Variants in RALGAPA2 observed in about 807,000 individuals in gnomAD.
The protein encoded by RALGAPA2 is Ral GTPase activating protein catalytic subunit alpha 2, also known as ral GTPase-activating protein subunit alpha-2.
In RALGAPA2, 139 loss-of-function variants were observed where a neutral mutation model predicts 230.4. The ratio of observed to expected loss-of-function variants is 0.60; its 90% confidence interval spans 0.53 to 0.69. The LOEUF is 0.69. Ranked by LOEUF, RALGAPA2 falls within the 30% of genes least tolerant of loss-of-function variation. The pLI is 0.00. For synonymous variants in RALGAPA2, 847 were observed against 837.8 expected (o/e 1.01, Z -0.19); for missense variants, 2,163 against 2,276.0 (o/e 0.95, Z 1.01).
At chr20:20,498,213 TGGTTCC>T (rs1365508188) in intron 35 of RALGAPA2, among the ~76,000 whole-genome samples, 1 of 152,198 alleles carries the variant, frequency 6.6e-6, no homozygotes, top group African/African-American at 2.4e-5. Flanking sequence ...CAAGTTGATC[TGGTTCC>T]TGTGTAACTG....
In RALGAPA2 at chr20:20,620,328, G is replaced by A. The variant is rs902870270; in HGVS notation, c.1401+135C>T. On this transcript the variant is annotated intron_variant, in intron 11 of 39. Coordinates refer to ENST00000202677, the MANE Select transcript of RALGAPA2 (RefSeq NM_020343.4). ...CCTTGGTAGATCCTCACAGAACTCAGCAACTCAGAAGCATCAGATGGGATA... is the reference window on the plus strand; with the variant it reads ...CCTTGGTAGATCCTCACAGAACTCAACAACTCAGAAGCATCAGATGGGATA... 1.1e-5 allele frequency: 10 copies of A among 885,340 alleles called. No individual in the cohort carries two copies. The Admixed American group carries it at 2.9e-4, about 25-fold the overall frequency. 54.8% of individuals were successfully genotyped at this position (885,340 alleles called of 1,614,324 possible).
At chr20:20,657,052 G>GT (rs1213284880) in intron 3 of RALGAPA2, among the ~76,000 whole-genome samples, 6 of 152,142 alleles carry the variant, frequency 3.9e-5, no homozygotes, top group Admixed American at 6.5e-5. Flanking sequence ...CCCCAATTTG[G>GT]TATCTTTGAT....
At chr20:20,573,445 G>A (rs2064714007) in intron 20 of RALGAPA2, among the ~76,000 whole-genome samples, 1 of 152,114 alleles carries the variant, frequency 6.6e-6, no homozygotes, top group African/African-American at 2.4e-5. Context: ...GTTAGGTCAG[G>A]TTCATGGGGG....
At chr20:20,580,039 T>C (rs62202179) in intron 20 of RALGAPA2, among the ~76,000 whole-genome samples, 41 of 152,342 alleles carry the variant, frequency 2.7e-4, no homozygotes, top group African/African-American at 9.9e-4. Flanking sequence ...TTAAAAACTA[T>C]AGTGGCTTAT....
intron 37 of RALGAPA2, among the ~76,000 whole-genome samples, chr20:20,458,494 A>G (rs1226234854): frequency 7.2e-6 from 1 of 138,590 alleles, no homozygotes; most frequent in Non-Finnish European, 1.5e-5. Context: ...TGTATTTTAT[A>G]TATATTATAT....
intron 37 of RALGAPA2, among the ~76,000 whole-genome samples, chr20:20,458,842 ATATATATATAGACC>A (rs1281877201): frequency 2.4e-5 from 2 of 83,326 alleles, no homozygotes; most frequent in East Asian, 3.1e-4. Context: ...ATATAGACCT[ATATATATATAGACC>A]TATATATATA....
At chr20:20,485,516 TC>T (rs1277286078) in intron 36 of RALGAPA2, among the ~76,000 whole-genome samples, 1 of 152,238 alleles carries the variant, frequency 6.6e-6, no homozygotes, top group Non-Finnish European at 1.5e-5. Context: ...TTTTTGGTCT[TC>T]CACTCATTTG....
Position 20,712,165 on chromosome 20 carries a change from G to A in RALGAPA2, c.106+210C>T, listed in dbSNP as rs1436848464. 6.6e-6 allele frequency among the ~76,000 whole-genome samples: 1 copy of A among 152,094 alleles called. No individual in the cohort carries two copies. Among genetic ancestry groups the A allele is most frequent in the Admixed American group, 6.5e-5 (1 of 15,282 alleles). On this transcript the variant is annotated intron_variant, in intron 1 of 39. Transcript: ENST00000202677. This position sits in a 1 kb window ranked among gnomAD's most constrained non-coding sequence, Gnocchi z 5.5. Reference sequence around the variant, plus strand: ...CGAGAATCTGGGCTAAGTTTAACTCGAGGGCGACGGGAGCAGTGCCCGAGG... The same window carrying A: ...CGAGAATCTGGGCTAAGTTTAACTCAAGGGCGACGGGAGCAGTGCCCGAGG...
chr20:20,672,878 G>A (rs2068182924), intron 3 of RALGAPA2, among the ~76,000 whole-genome samples: 1 of 152,080 alleles, frequency 6.6e-6, no homozygotes, highest in African/African-American at 2.4e-5. Context: ...TAGAACAACA[G>A]ACACAAAAGA....
At chr20:20,478,197 T>C (rs186751719) in intron 36 of RALGAPA2, among the ~76,000 whole-genome samples, 81 of 152,332 alleles carry the variant, frequency 5.3e-4, no homozygotes, top group Admixed American at 9.8e-4. Flanking sequence ...AATGGAAATT[T>C]AGCAATATGT....
Position 20,571,918 on chromosome 20 carries a change from T to G in RALGAPA2, c.2930A>C (p.Asp977Ala), listed in dbSNP as rs762668946. The G allele has an allele frequency of 1.9e-6, 3 of 1,610,126 alleles. No individual in the cohort carries two copies. The highest frequency in any genetic ancestry group is 2.5e-6 in the Non-Finnish European group (3 of 1,177,826). ...TGGAGGAGATGGAGAAGACTGGTTA[T>G]CCAGGCTTATTGCTAGATTATCCCG... ...KIRDNLAISL[D>A]NQSSPSPPVL... The change falls in exon 22 of 40, where the codon GAT (aspartate) becomes GCT (alanine). Residue 977 changes from aspartate (D) to alanine (A), a missense_variant. By Grantham distance (126) the Asp-to-Ala change is moderately radical. Coordinates refer to ENST00000202677, the MANE Select transcript of RALGAPA2 (RefSeq NM_020343.4).
chr20:20,545,127 A>C (rs776680213), intron 24 of RALGAPA2, among the ~76,000 whole-genome samples: 1 of 152,224 alleles, frequency 6.6e-6, no homozygotes, highest in Non-Finnish European at 1.5e-5. Flanking sequence ...ATTCTTTGAG[A>C]TTATCCTAAA....
At chr20:20,407,926 A>G (rs1009274373) in intron 38 of RALGAPA2, among the ~76,000 whole-genome samples, 7 of 152,232 alleles carry the variant, frequency 4.6e-5, no homozygotes, top group African/African-American at 1.7e-4. Flanking sequence ...AAAGTGGCAG[A>G]CTCTGATGAA....
intron 37 of RALGAPA2, among the ~76,000 whole-genome samples, chr20:20,468,963 T>TTTGTGTG (rs2061480989): frequency 7.0e-6 from 1 of 143,380 alleles, no homozygotes; most frequent in Non-Finnish European, 1.6e-5. Flanking sequence ...GTGTGTGTGT[T>TTTGTGTG]TGTGTGTGTG....
intron 16 of RALGAPA2, among the ~76,000 whole-genome samples, chr20:20,595,975 A>C (rs894723231): frequency 6.6e-6 from 1 of 152,136 alleles, no homozygotes; most frequent in Non-Finnish European, 1.5e-5. Flanking sequence ...AACAAAAAAC[A>C]AACAAACAAA....
At chr20:20,666,109 T>A (rs1039028922) in intron 3 of RALGAPA2, among the ~76,000 whole-genome samples, 7 of 152,240 alleles carry the variant, frequency 4.6e-5, no homozygotes, top group Admixed American at 4.6e-4. Context: ...CATTTAAATA[T>A]AGCCCCATGT....
At position 20,524,867 on chromosome 20, in the gene RALGAPA2, G is replaced by C. The variant is rs1262530397; in HGVS notation, c.3725C>G (p.Pro1242Arg). Reference protein sequence around the residue: ...ILVATVAFLLPSAEYSSVETD... With the variant: ...ILVATVAFLLRSAEYSSVETD... ...TTCCACTGAGGAGTACTCTGCACTT[G>C]GTAAAAGAAAAGCAACTGTGGCCAC... Residue 1242 changes from proline to arginine, a missense_variant, in exon 29 of 40, where the codon CCA becomes CGA. Transcript: ENST00000202677. 3 of 1,610,686 alleles carry C rather than the reference G, an allele frequency of 1.9e-6. No homozygotes were observed. The highest frequency in any genetic ancestry group is 2.5e-6 in the Non-Finnish European group (3 of 1,178,438).
At chr20:20,553,423 A>G (rs953287447) in intron 23 of RALGAPA2, among the ~76,000 whole-genome samples, 2 of 151,798 alleles carry the variant, frequency 1.3e-5, no homozygotes, top group South Asian at 2.1e-4. Flanking sequence ...GTGGTGGTAC[A>G]CTCCTGTGGT....
intron 37 of RALGAPA2, among the ~76,000 whole-genome samples, chr20:20,446,995 T>G (rs1031663551): frequency 6.6e-6 from 1 of 152,230 alleles, no homozygotes; most frequent in Admixed American, 6.5e-5. Context: ...TCTCAGCTGA[T>G]TGGCAGGGAT....
Sources: gnomAD v4.1 joint callset for allele counts (sites outside exome capture counted in the v4.1 genomes callset) on GRCh38, gnomAD v4.1.1 for gene constraint, Gnocchi (gnomAD v3.1) non-coding constraint, MANE v1.5 for transcripts, NCBI Gene and HGNC (gene_info 2026-07-23, HGNC 2026-07-21) for gene names.